The following ARID5B variants were observed in gnomAD, a reference collection of about 807,000 sequenced individuals.
ARID5B encodes the protein AT-rich interactive domain-containing protein 5B.
In ARID5B, 13 loss-of-function variants were observed where a neutral mutation model predicts 97.2. That is an observed-to-expected ratio of 0.13 (90% CI 0.09 to 0.21). ARID5B has a LOEUF of 0.21. Ranked by LOEUF, ARID5B falls within the 10% of genes least tolerant of loss-of-function variation. The pLI, the probability that ARID5B is intolerant of heterozygous loss-of-function variation, is 1.00. For synonymous variants in ARID5B, 556 were observed against 570.3 expected, an observed-to-expected ratio of 0.97 and a Z score of 0.36; for missense variants, 1,210 against 1,465.3, an observed-to-expected ratio of 0.83 and a Z score of 2.84.
At chr10:62,015,700 T>G (rs1036365116) in intron 4 of ARID5B, among the ~76,000 whole-genome samples, 5 of 152,296 alleles carry the variant, frequency 3.3e-5, no homozygotes, top group African/African-American at 1.2e-4. Flanking sequence ...CTTGGCTCAC[T>G]GCAACCTCCG....
intron 3 of ARID5B, among the ~76,000 whole-genome samples, chr10:61,950,792 T>C (rs1250912473): frequency 2.0e-5 from 3 of 152,228 alleles, no homozygotes; most frequent in Non-Finnish European, 4.4e-5. Flanking sequence ...AACTCTAAAA[T>C]GTTTTTGTTT....
In ARID5B at chr10:61,940,364, G is replaced by A. The variant is rs1206047372; in HGVS notation, c.458G>A (p.Ser153Asn). The change falls in exon 3 of 10, where the codon AGT becomes AAT. Residue 153 changes from serine (S) to asparagine (N), a missense_variant. Transcript: ENST00000279873. ...LLKYRQSTLN[S>N]GLNFKDVLKE... ...AAGTACAGGCAGTCAACCCTAAACAGTGGACTCAACTTCAAAGACGTTCTC... is the reference window on the plus strand; with the variant it reads ...AAGTACAGGCAGTCAACCCTAAACAATGGACTCAACTTCAAAGACGTTCTC... 21 of 1,613,990 alleles carry A rather than the reference G, an allele frequency of 1.3e-5. No homozygotes were observed. The highest frequency in any genetic ancestry group is 1.7e-5 in the Non-Finnish European group (20 of 1,180,012).
At chr10:61,978,199 G>T (rs934335173) in intron 3 of ARID5B, among the ~76,000 whole-genome samples, 1 of 152,302 alleles carries the variant, frequency 6.6e-6, no homozygotes, top group South Asian at 2.1e-4. Flanking sequence ...TGAGGGCTCT[G>T]TTCGGTTCCA....
chr10:62,033,911 G>A (rs1041300888), intron 4 of ARID5B, among the ~76,000 whole-genome samples: 2 of 152,192 alleles, frequency 1.3e-5, no homozygotes, highest in East Asian at 3.8e-4. Flanking sequence ...TGAATACAGA[G>A]TTGCCTGCTC....
intron 4 of ARID5B, among the ~76,000 whole-genome samples, chr10:62,020,764 T>G (rs1157100675): frequency 6.6e-6 from 1 of 152,078 alleles, no homozygotes; most frequent in Non-Finnish European, 1.5e-5. Context: ...AATTAAGCAT[T>G]ACATAAGAAC....
At chr10:62,056,248 T>TG (rs1372963836) in intron 5 of ARID5B, among the ~76,000 whole-genome samples, 1 of 152,218 alleles carries the variant, frequency 6.6e-6, no homozygotes, top group Non-Finnish European at 1.5e-5. Flanking sequence ...CCGCCTTTTA[T>TG]TTTTTAATTA....
intron 3 of ARID5B, among the ~76,000 whole-genome samples, chr10:61,961,075 T>C (rs1200735610): frequency 6.6e-6 from 1 of 152,266 alleles, no homozygotes; most frequent in African/African-American, 2.4e-5. Flanking sequence ...ATTAAACTCT[T>C]AAGCCTTAAA....
intron 8 of ARID5B, among the ~76,000 whole-genome samples, chr10:62,071,691 C>G (rs964072153): frequency 6.6e-6 from 1 of 152,020 alleles, no homozygotes; most frequent in African/African-American, 2.4e-5. Flanking sequence ...TTATTTACTT[C>G]TTTCAGGAGA....
intron 4 of ARID5B, among the ~76,000 whole-genome samples, chr10:62,042,683 G>T (rs547871708): frequency 6.6e-6 from 1 of 152,030 alleles, no homozygotes; most frequent in African/African-American, 2.4e-5. Flanking sequence ...AGGACGAGGC[G>T]GTTGGATCAC....
At chr10:62,039,921 G>T (rs1300331160) in intron 4 of ARID5B, among the ~76,000 whole-genome samples, 1 of 152,206 alleles carries the variant, frequency 6.6e-6, no homozygotes, top group East Asian at 1.9e-4. Context: ...ATTCTCAGAT[G>T]AAATGTCCAA....
intron 3 of ARID5B, among the ~76,000 whole-genome samples, chr10:61,944,026 TAAAA>T (rs1844460553): frequency 6.6e-6 from 1 of 152,158 alleles, no homozygotes; most frequent in African/African-American, 2.4e-5. Context: ...CTAATAATCT[TAAAA>T]AACACTTCTG....
chr10:62,049,390 C>G, intron 4 of ARID5B: 1 of 1,549,238 alleles, frequency 6.5e-7, no homozygotes, highest in South Asian at 1.2e-5. Context: ...CACACCAAGT[C>G]GAGACTTCCA....
intron 3 of ARID5B, among the ~76,000 whole-genome samples, chr10:61,949,510 A>C (rs1838293379): frequency 6.6e-6 from 1 of 152,114 alleles, no homozygotes. Flanking sequence ...GGTAGCACAC[A>C]TCCATAATCC....
At chr10:62,025,447 C>G (rs551187532) in intron 4 of ARID5B, 1 of 152,230 alleles carries the variant, frequency 6.6e-6, no homozygotes, top group East Asian at 1.9e-4. Flanking sequence ...AATTGGCTTT[C>G]TGGAAAGGTG....
At chr10:61,983,031 A>G (rs1387228945) in intron 3 of ARID5B, among the ~76,000 whole-genome samples, 2 of 152,210 alleles carry the variant, frequency 1.3e-5, no homozygotes, top group African/African-American at 4.8e-5. Context: ...TTGGCTGCCT[A>G]GAACCTCATA....
Position 62,093,978 on chromosome 10 carries a change from C to T in ARID5B, c.*948C>T, listed in dbSNP as rs901368781. Reference sequence around the variant, plus strand: ...TATACACTGCTTACCCAGCCAAATGCTTTGCTTTGAAGTATTGGGTTCTGT... The same window carrying T: ...TATACACTGCTTACCCAGCCAAATGTTTTGCTTTGAAGTATTGGGTTCTGT... On this transcript the variant is annotated 3_prime_UTR_variant, in exon 10 of 10. Coordinates refer to ENST00000279873, the MANE Select transcript of ARID5B (RefSeq NM_032199.3). 1 of 233,538 alleles carries T rather than the reference C, an allele frequency of 4.3e-6. No homozygotes were observed. Among genetic ancestry groups the T allele is most frequent in the Non-Finnish European group, 8.5e-6 (1 of 118,056 alleles). 14.5% of individuals were successfully genotyped at this position (233,538 alleles called of 1,614,324 possible).
chr10:62,086,326 G>A (rs535981070), intron 9 of ARID5B, among the ~76,000 whole-genome samples: 73 of 152,164 alleles, frequency 4.8e-4, no homozygotes, highest in African/African-American at 1.6e-3. Flanking sequence ...ATGGTGGCTC[G>A]CGCCTGTAAT....
intron 3 of ARID5B, among the ~76,000 whole-genome samples, chr10:61,973,371 A>ATGATG (rs1470430840): frequency 6.6e-6 from 1 of 152,208 alleles, no homozygotes; most frequent in Admixed American, 6.5e-5. Flanking sequence ...ATTTATCCTG[A>ATGATG]TGATGTCACA....
At chr10:61,911,754 G>A (rs1035070210) in intron 2 of ARID5B, among the ~76,000 whole-genome samples, 1 of 152,216 alleles carries the variant, frequency 6.6e-6, no homozygotes, top group Non-Finnish European at 1.5e-5. Flanking sequence ...TTGGGGGGCA[G>A]CGGGCAGAAG....
Sources: allele counts gnomAD v4.1 joint callset (sites outside exome capture counted in the v4.1 genomes callset), GRCh38; gene constraint gnomAD v4.1.1; transcripts MANE v1.5; gene names NCBI Gene and HGNC (gene_info 2026-07-23, HGNC 2026-07-21).